The following DLC1 variants were observed in gnomAD, a reference collection of about 807,000 sequenced individuals.
DLC1 encodes rho GTPase-activating protein 7.
In DLC1, 54 loss-of-function variants were observed where a neutral mutation model predicts 140.3. The observed-to-expected ratio is 0.38, with a 90% CI of 0.31 to 0.48. DLC1 has a LOEUF of 0.48. Ranked by LOEUF, DLC1 falls within the 20% of genes least tolerant of loss-of-function variation. The pLI, the probability that DLC1 is intolerant of heterozygous loss-of-function variation, is 0.96. For missense variants in DLC1, 2,536 were observed against 1,907.0 expected, an observed-to-expected ratio of 1.33 and a Z score of -6.14; for synonymous variants, 986 against 728.1, an observed-to-expected ratio of 1.35 and a Z score of -5.70.
intron 5 of DLC1, among the ~76,000 whole-genome samples, chr8:13,274,014 C>G (rs1004554513): frequency 1.3e-5 from 2 of 152,158 alleles, no homozygotes; most frequent in African/African-American, 4.8e-5. Context: ...AATTTCACAA[C>G]ATAAAGAAAA....
intron 1 of DLC1, among the ~76,000 whole-genome samples, chr8:13,553,019 A>T (rs1803915741): frequency 6.6e-6 from 1 of 151,510 alleles, no homozygotes; most frequent in Non-Finnish European, 1.5e-5. Context: ...TAGGAATATT[A>T]TACTAAAAGC....
intron 4 of DLC1, among the ~76,000 whole-genome samples, chr8:13,354,250 A>C (rs73663598): frequency 4.4e-4 from 67 of 152,254 alleles, no homozygotes; most frequent in African/African-American, 1.5e-3. Flanking sequence ...TGGCCTTCTA[A>C]CTAGCCAAAA....
intron 6 of DLC1, among the ~76,000 whole-genome samples, chr8:13,112,698 CT>C (rs1003141932): frequency 1.3e-4 from 19 of 151,790 alleles, no homozygotes; most frequent in Admixed American, 7.2e-4. Flanking sequence ...CTGTATTTTG[CT>C]TTTTTTTGTT....
chr8:13,394,360 T>G (rs771757613), intron 3 of DLC1, among the ~76,000 whole-genome samples: 1 of 152,224 alleles, frequency 6.6e-6, no homozygotes, highest in Non-Finnish European at 1.5e-5. Context: ...CCTAATAATT[T>G]TCATTAAATG....
chr8:13,095,160 G>A lies in DLC1; in HGVS notation c.3253C>T (p.Gln1085Ter). Residue 1085 changes from glutamine to a stop codon, truncating the protein, a stop_gained, in exon 11 of 18, where the codon CAG becomes TAG. Transcript: ENST00000276297. LOFTEE classifies it high-confidence loss of function. ...TGAGGCAACGGTTGTCCTGTGCGCT[G>A]CACGTTGACCGTCAGTGGGACCCCA... ...VFGVPLTVNV[Q>*]RTGQPLPQSI... The A allele has an allele frequency of 6.2e-7, 1 of 1,614,248 alleles. No individual in the cohort carries two copies. The highest frequency in any genetic ancestry group is 8.5e-7 in the Non-Finnish European group (1 of 1,180,056).
At chr8:13,346,663 G>A (rs774671829) in intron 4 of DLC1, among the ~76,000 whole-genome samples, 38 of 152,194 alleles carry the variant, frequency 2.5e-4, no homozygotes, top group Non-Finnish European at 4.8e-4. Context: ...TGTCCAGGCC[G>A]GGGATGTGTC....
At chr8:13,356,089 C>CA (rs372991073) in intron 4 of DLC1, among the ~76,000 whole-genome samples, 4,560 of 53,268 alleles carry the variant, frequency 0.086, 954 homozygotes, top group African/African-American at 0.29. Flanking sequence ...GACTCCATCT[C>CA]AAAAAAAAAA....
intron 5 of DLC1, among the ~76,000 whole-genome samples, chr8:13,279,097 T>A (rs1347280997): frequency 1.3e-5 from 2 of 152,220 alleles, no homozygotes; most frequent in African/African-American, 2.4e-5. Flanking sequence ...AGCTATGAGC[T>A]AATGCTCTTT....
intron 5 of DLC1, among the ~76,000 whole-genome samples, chr8:13,218,226 T>C (rs748572504): frequency 6.6e-6 from 1 of 152,074 alleles, no homozygotes; most frequent in Non-Finnish European, 1.5e-5. Context: ...TTACACCGTA[T>C]ACAAAAATTA....
intron 1 of DLC1, among the ~76,000 whole-genome samples, chr8:13,571,844 T>A (rs1275821641): frequency 6.6e-6 from 1 of 152,170 alleles, no homozygotes; most frequent in Non-Finnish European, 1.5e-5. Flanking sequence ...AGGATTCGGA[T>A]TTTTTCACGT....
At chr8:13,461,945 C>A (rs1314812924) in intron 2 of DLC1, among the ~76,000 whole-genome samples, 2 of 152,208 alleles carry the variant, frequency 1.3e-5, no homozygotes, top group Non-Finnish European at 2.9e-5. Flanking sequence ...AGGTATTTAT[C>A]TCTGGTCATA....
chr8:13,546,650 T>C (rs1803657914), intron 1 of DLC1, among the ~76,000 whole-genome samples: 1 of 152,160 alleles, frequency 6.6e-6, no homozygotes, highest in Non-Finnish European at 1.5e-5. Flanking sequence ...CTCTTGGACC[T>C]TTTATTCCAG....
At chr8:13,318,676 A>C (rs2116892720) in intron 4 of DLC1, among the ~76,000 whole-genome samples, 1 of 152,352 alleles carries the variant, frequency 6.6e-6, no homozygotes, top group Non-Finnish European at 1.5e-5. Context: ...CATGGGCTTA[A>C]AGAAGTAATT....
At chr8:13,133,291 T>G in intron 5 of DLC1, 2 of 1,268,144 alleles carry the variant, frequency 1.6e-6, no homozygotes, top group Non-Finnish European at 9.9e-7. Context: ...GAGCGAACTG[T>G]CTCCCGCGCG....
intron 5 of DLC1, among the ~76,000 whole-genome samples, chr8:13,302,098 C>G (rs113424068): frequency 2.8e-4 from 43 of 152,320 alleles, no homozygotes; most frequent in African/African-American, 1.0e-3. Context: ...TGGATTCTGT[C>G]TCAGATCCTA....
At chr8:13,173,938 T>G (rs1049314060) in intron 5 of DLC1, among the ~76,000 whole-genome samples, 1 of 152,166 alleles carries the variant, frequency 6.6e-6, no homozygotes, top group Non-Finnish European at 1.5e-5. Context: ...TGCTGAGGTT[T>G]GGGGTATGAA....
intron 5 of DLC1, among the ~76,000 whole-genome samples, chr8:13,152,947 A>T (rs1391800897): frequency 2.0e-5 from 3 of 152,158 alleles, no homozygotes; most frequent in Non-Finnish European, 4.4e-5. Context: ...AAACTTTGTA[A>T]CTACTTTGAC....
chr8:13,297,287 A>AAAAAAAAAAAAAAAAAAAAAACAAAAC (rs1160453360), intron 5 of DLC1, among the ~76,000 whole-genome samples: 6 of 139,896 alleles, frequency 4.3e-5, no homozygotes, highest in African/African-American at 1.4e-4. Context: ...TACATTAAAA[A>AAAAAAAAAAAAAAAAAAAAAACAAAAC]AAAAAAAAAC....
At position 13,413,256 on chromosome 8, in the gene DLC1, A is replaced by ATTTTTTTTTTT. The variant is rs58038503; in HGVS notation, c.1024-11648_1024-11638dup. The stretch of plus-strand genomic sequence containing the variant: ...TAAAACATTATGAGATTTTTTTGCG[A>ATTTTTTTTTTT]TTTTTTTTTTTTTTTTTTTTTAGCT... On this transcript the variant is annotated intron_variant, in intron 2 of 17. Transcript: ENST00000276297. Among the ~76,000 whole-genome samples, 68 of 82,006 alleles carry ATTTTTTTTTTT rather than the reference A, an allele frequency of 8.3e-4. 10 individuals are homozygous for ATTTTTTTTTTT. Among genetic ancestry groups the ATTTTTTTTTTT allele is most frequent in the Admixed American group, 1.8e-3 (13 of 7,142 alleles). 53.8% of individuals were successfully genotyped at this position (82,006 alleles called of 152,430 possible).
Sources: allele counts gnomAD v4.1 joint callset (sites outside exome capture counted in the v4.1 genomes callset), GRCh38; gene constraint gnomAD v4.1.1; transcripts MANE v1.5; gene names NCBI Gene and HGNC (gene_info 2026-07-23, HGNC 2026-07-21).